The following CCSER1 variants were observed in gnomAD, a reference collection of about 807,000 sequenced individuals.
CCSER1 encodes the protein serine-rich coiled-coil domain-containing protein 1.
Under a neutral mutation model 82.0 loss-of-function variants are expected in CCSER1, and 41 were observed. The observed-to-expected ratio is 0.50, with a 90% CI of 0.39 to 0.65. The LOEUF is 0.65. Ranked by LOEUF, CCSER1 falls within the 30% of genes least tolerant of loss-of-function variation. The pLI, the probability that CCSER1 is intolerant of heterozygous loss-of-function variation, is 0.00. For missense variants in CCSER1, 1,119 were observed against 1,064.2 expected (o/e 1.05, Z -0.72); for synonymous variants, 414 against 383.9 (o/e 1.08, Z -0.92).
At chr4:91,043,740 G>A (rs1742190515) in intron 9 of CCSER1, among the ~76,000 whole-genome samples, 1 of 151,966 alleles carries the variant, frequency 6.6e-6, no homozygotes, top group South Asian at 2.1e-4. Context: ...ACAGGCATGT[G>A]CCACCATGCC....
intron 10 of CCSER1, among the ~76,000 whole-genome samples, chr4:91,132,963 G>C (rs771073827): frequency 6.6e-6 from 1 of 151,962 alleles, no homozygotes; most frequent in East Asian, 1.9e-4. Flanking sequence ...TGACTTCTTG[G>C]GGATATAATC....
intron 9 of CCSER1, among the ~76,000 whole-genome samples, chr4:91,015,978 G>C (rs1165126433): frequency 6.6e-6 from 1 of 151,918 alleles, no homozygotes; most frequent in Non-Finnish European, 1.5e-5. Flanking sequence ...GATTTATTAA[G>C]ATTTCATTTA....
intron 10 of CCSER1, among the ~76,000 whole-genome samples, chr4:91,241,663 C>G: frequency 6.6e-6 from 1 of 152,090 alleles, no homozygotes; most frequent in Non-Finnish European, 1.5e-5. Flanking sequence ...GGTATAATTA[C>G]TATTATAACT....
chr4:90,542,177 C>G lies in CCSER1; in HGVS notation c.1724+73823C>G, dbSNP rs577583768. Among the ~76,000 whole-genome samples the G allele has an allele frequency of 2.0e-5, 3 of 151,952 alleles. No individual in the cohort carries two copies. The South Asian group carries it at 6.2e-4, about 32-fold the overall frequency. ...TTAAAAAGCAAAAAAATTTAAAAGC[C>G]TTTTGATGGGGAGTACCAGTTACTT... is the stretch of plus-strand genomic sequence containing the variant. On this transcript the variant is annotated intron_variant, in intron 5 of 10. Coordinates refer to ENST00000509176, the MANE Select transcript of CCSER1 (RefSeq NM_001145065.2).
chr4:90,596,301 A>T (rs1315793189), intron 5 of CCSER1, among the ~76,000 whole-genome samples: 1 of 151,950 alleles, frequency 6.6e-6, no homozygotes, highest in Non-Finnish European at 1.5e-5. Flanking sequence ...TAATAGAAAA[A>T]TTCTCATTTA....
chr4:91,325,571 C>T (rs1483984760), intron 10 of CCSER1, among the ~76,000 whole-genome samples: 2 of 152,148 alleles, frequency 1.3e-5, no homozygotes, highest in East Asian at 1.9e-4. Flanking sequence ...GTTAATAGCA[C>T]TGCAGATTTT....
At chr4:91,369,387 CA>C (rs1749859060) in intron 10 of CCSER1, among the ~76,000 whole-genome samples, 1 of 152,148 alleles carries the variant, frequency 6.6e-6, no homozygotes, top group African/African-American at 2.4e-5. Flanking sequence ...GGTGGTTTTT[CA>C]CTTCAGGAAA....
intron 10 of CCSER1, among the ~76,000 whole-genome samples, chr4:91,167,777 T>A (rs1732254700): frequency 6.6e-6 from 1 of 152,240 alleles, no homozygotes; most frequent in Non-Finnish European, 1.5e-5. Context: ...TTTGAGTCTC[T>A]TTCTACCTTG....
intron 4 of CCSER1, among the ~76,000 whole-genome samples, chr4:90,408,758 A>G (rs576909812): frequency 9.8e-5 from 15 of 152,358 alleles, no homozygotes; most frequent in African/African-American, 3.1e-4. Context: ...GCTCCTCACC[A>G]GCAACGGAAC....
intron 5 of CCSER1, among the ~76,000 whole-genome samples, chr4:90,505,578 G>T (rs1380359112): frequency 6.6e-6 from 1 of 152,106 alleles, no homozygotes; most frequent in Non-Finnish European, 1.5e-5. Context: ...TGGTTTTTTT[G>T]ATCATGTGCT....
chr4:91,034,462 A>C (rs1251894452), intron 9 of CCSER1, among the ~76,000 whole-genome samples: 1 of 152,200 alleles, frequency 6.6e-6, no homozygotes, highest in Non-Finnish European at 1.5e-5. Flanking sequence ...GAGAAGCTTG[A>C]ATATCCAGAG....
intron 10 of CCSER1, among the ~76,000 whole-genome samples, chr4:91,575,086 C>T (rs1763382346): frequency 6.6e-6 from 1 of 151,698 alleles, no homozygotes; most frequent in Non-Finnish European, 1.5e-5. Context: ...TAATCTTCAA[C>T]AAAGAAAACC....
At chr4:90,809,228 G>A (rs973140306) in intron 7 of CCSER1, among the ~76,000 whole-genome samples, 2 of 151,166 alleles carry the variant, frequency 1.3e-5, no homozygotes, top group South Asian at 2.1e-4. Context: ...GCTGAGGCAG[G>A]AGGATCCTTT....
At chr4:90,639,752 A>G (rs140504020) in intron 6 of CCSER1, among the ~76,000 whole-genome samples, 53 of 152,220 alleles carry the variant, frequency 3.5e-4, no homozygotes, top group African/African-American at 1.3e-3. Flanking sequence ...AGAAGGAAAC[A>G]AGAGTTCTAT....
At chr4:90,950,330 T>A (rs895405234) in intron 9 of CCSER1, among the ~76,000 whole-genome samples, 1 of 151,968 alleles carries the variant, frequency 6.6e-6, no homozygotes, top group African/African-American at 2.4e-5. Flanking sequence ...GGTCTTTTAA[T>A]TTTTTTTCCC....
intron 2 of CCSER1, among the ~76,000 whole-genome samples, chr4:90,309,982 C>G (rs1471051598): frequency 6.6e-6 from 1 of 152,012 alleles, no homozygotes; most frequent in Non-Finnish European, 1.5e-5. Context: ...ATTATAGAGG[C>G]ATTGGTATTT....
At chr4:90,906,774 G>A (rs1561339492) in intron 8 of CCSER1, among the ~76,000 whole-genome samples, 1 of 151,906 alleles carries the variant, frequency 6.6e-6, no homozygotes, top group Non-Finnish European at 1.5e-5. Flanking sequence ...TTCTAGTGAT[G>A]CAAGGGTTCT....
chr4:90,312,883 C>T lies in CCSER1; in HGVS notation c.1345C>T (p.Pro449Ser). 1 of 1,571,394 alleles carries T rather than the reference C, an allele frequency of 6.4e-7. No individual in the cohort carries two copies. The highest frequency in any genetic ancestry group is 8.6e-7 in the Non-Finnish European group (1 of 1,156,584). ...CATAGTTCTTGCCAGTAGTCTCAGT[C>T]CATTTCGTGAAGGAAGATTTATAGA... Reference protein sequence around the residue: ...PAKVLASSLSPFREGRFIERR... With the variant: ...PAKVLASSLSSFREGRFIERR... Residue 449 changes from proline to serine, a missense_variant, in exon 3 of 11, where the codon CCA becomes TCA. By Grantham distance (74) the Pro-to-Ser change is moderately conservative. Coordinates refer to ENST00000509176, the MANE Select transcript of CCSER1 (RefSeq NM_001145065.2).
At chr4:90,268,274 T>C (rs962284184) in intron 1 of CCSER1, among the ~76,000 whole-genome samples, 8 of 152,146 alleles carry the variant, frequency 5.3e-5, no homozygotes, top group African/African-American at 1.9e-4. Flanking sequence ...AATTGTGGTG[T>C]GTAAAGTACT....
Sources: gnomAD v4.1 joint callset for allele counts (sites outside exome capture counted in the v4.1 genomes callset) on GRCh38, gnomAD v4.1.1 for gene constraint, MANE v1.5 for transcripts, NCBI Gene and HGNC (gene_info 2026-07-23, HGNC 2026-07-21) for gene names.